Variants in SOX6 observed in about 807,000 individuals in gnomAD.
SOX6 encodes the protein transcription factor SOX-6.
A neutral mutation model predicts 97.8 loss-of-function variants in SOX6; 11 were observed. The ratio of observed to expected loss-of-function variants is 0.11; its 90% CI spans 0.07 to 0.19. SOX6 has a LOEUF of 0.19. Among genes scored for constraint, SOX6 ranks in the 10% least tolerant of loss-of-function variants. The pLI is 1.00. For synonymous variants in SOX6, 360 were observed against 371.4 expected (o/e 0.97, Z 0.35); for missense variants, 810 against 1,039.5 (o/e 0.78, Z 3.04).
At chr11:16,210,568 T>C (rs879111080) in intron 4 of SOX6, among the ~76,000 whole-genome samples, 57 of 152,164 alleles carry the variant, frequency 3.7e-4, no homozygotes, top group African/African-American at 1.3e-3. Flanking sequence ...TGGTGGCAGA[T>C]GAATCTTGTG....
At chr11:16,676,772 C>T (rs932050848) in intron 3 of SOX6, among the ~76,000 whole-genome samples, 2 of 152,148 alleles carry the variant, frequency 1.3e-5, no homozygotes, top group Admixed American at 6.5e-5. Flanking sequence ...AAATGGGCTT[C>T]GTATATGTTG....
intron 13 of SOX6, among the ~76,000 whole-genome samples, chr11:15,991,628 G>A (rs1433120242): frequency 1.3e-5 from 2 of 152,140 alleles, no homozygotes; most frequent in Non-Finnish European, 2.9e-5. Context: ...TAACATTTGA[G>A]CCTGCTTTTA....
intron 2 of SOX6, among the ~76,000 whole-genome samples, chr11:16,325,068 G>A (rs1039619313): frequency 5.3e-5 from 8 of 151,986 alleles, no homozygotes; most frequent in Non-Finnish European, 8.8e-5. Flanking sequence ...AAATGTTAAT[G>A]GCCCTCTGAG....
intron 1 of SOX6, among the ~76,000 whole-genome samples, chr11:16,382,629 A>T (rs1857858814): frequency 6.6e-6 from 1 of 152,042 alleles, no homozygotes; most frequent in Non-Finnish European, 1.5e-5. Context: ...GGCAGAGGAA[A>T]TCTCTCAACT....
intron 3 of SOX6, among the ~76,000 whole-genome samples, chr11:16,701,775 G>C (rs1342250565): frequency 7.1e-6 from 1 of 141,360 alleles, no homozygotes; most frequent in Non-Finnish European, 1.6e-5. Context: ...GAGGGGTTCG[G>C]GGGGGTGGGA....
intron 3 of SOX6, among the ~76,000 whole-genome samples, chr11:16,256,804 G>T (rs888700507): frequency 7.9e-5 from 12 of 151,804 alleles, no homozygotes; most frequent in African/African-American, 2.9e-4. Flanking sequence ...GATCATCTGA[G>T]TAGAAAATAA....
At chr11:16,681,696 A>C (rs564645368) in intron 3 of SOX6, among the ~76,000 whole-genome samples, 18 of 152,342 alleles carry the variant, frequency 1.2e-4, no homozygotes, top group African/African-American at 4.3e-4. Context: ...AAAGATCAAC[A>C]AAATAGATAG....
chr11:16,448,486 C>T (rs1048672573), intron 1 of SOX6, among the ~76,000 whole-genome samples: 8 of 152,026 alleles, frequency 5.3e-5, no homozygotes, highest in African/African-American at 1.9e-4. Context: ...TTCCAGATTT[C>T]AAGTGAAAGA....
intron 3 of SOX6, among the ~76,000 whole-genome samples, chr11:16,632,273 TG>T (rs149800928): frequency 7.2e-5 from 11 of 152,190 alleles, no homozygotes; most frequent in African/African-American, 2.7e-4. Context: ...CCTACATTAC[TG>T]GGGGTTTTTT....
At chr11:16,046,385 T>G in intron 12 of SOX6, 129 bp downstream of exon 12, 1 of 933,646 alleles carries the variant, frequency 1.1e-6, no homozygotes, top group African/African-American at 1.6e-5. Context: ...TTCAGTAAAG[T>G]ACAAGACAGC....
intron 6 of SOX6, among the ~76,000 whole-genome samples, chr11:16,179,738 C>T (rs1851296649): frequency 6.6e-6 from 1 of 151,824 alleles, no homozygotes; most frequent in Non-Finnish European, 1.5e-5. Flanking sequence ...TGGCCCTTGC[C>T]CAGAAAGCCA....
intron 4 of SOX6, among the ~76,000 whole-genome samples, chr11:16,503,357 T>C (rs578195878): frequency 6.6e-6 from 1 of 151,624 alleles, no homozygotes; most frequent in South Asian, 2.1e-4. Context: ...ACCACAATGT[T>C]AAATAAGAGA....
chr11:16,294,517 T>G (rs1362297205), intron 3 of SOX6, among the ~76,000 whole-genome samples: 1 of 152,068 alleles, frequency 6.6e-6, no homozygotes, highest in African/African-American at 2.4e-5. Flanking sequence ...TCATCCTACA[T>G]TAAGTGTTTA....
rs188625577 is a variant in SOX6 at position 16,633,793 on chromosome 11, C to T, written n.430-21533G>A. ...CCTAAGTCTCTGGCATATATGGGGCCGACTAAAATCAACCAGAAATGACAG... is the reference window on the plus strand; with the variant it reads ...CCTAAGTCTCTGGCATATATGGGGCTGACTAAAATCAACCAGAAATGACAG... On this transcript the variant is annotated intron_variant and non_coding_transcript_variant, in intron 3 of 5. Transcript: ENST00000524520. Among the ~76,000 whole-genome samples, 53 of 152,202 alleles carry T rather than the reference C, an allele frequency of 3.5e-4. 1 individual carries two copies. Among genetic ancestry groups the T allele is most frequent in the Middle Eastern group, 3.4e-3 (1 of 294 alleles).
intron 3 of SOX6, chr11:16,316,434 T>C (rs992438006): frequency 1.3e-5 from 2 of 151,614 alleles, no homozygotes; most frequent in Admixed American, 6.6e-5. Context: ...GTCTAAAACA[T>C]ACATATTGCA....
chr11:16,262,994 G>A (rs1853949282), intron 3 of SOX6, among the ~76,000 whole-genome samples: 1 of 151,852 alleles, frequency 6.6e-6, no homozygotes. Context: ...AACTTGCCAA[G>A]TTATCCACCG....
intron 9 of SOX6, among the ~76,000 whole-genome samples, chr11:16,072,461 T>C (rs868122188): frequency 6.6e-6 from 1 of 152,194 alleles, no homozygotes; most frequent in South Asian, 2.1e-4. Context: ...AGAGACCAAA[T>C]CTATGACTCT....
intron 2 of SOX6, among the ~76,000 whole-genome samples, 166 bp downstream of exon 2, chr11:16,340,846 T>C (rs1180081861): frequency 6.6e-6 from 1 of 152,112 alleles, no homozygotes; most frequent in Non-Finnish European, 1.5e-5. Flanking sequence ...AAACCATTTT[T>C]CAAGTTTTTC....
intron 4 of SOX6, among the ~76,000 whole-genome samples, chr11:16,190,237 A>C (rs1308977812): frequency 6.6e-6 from 1 of 152,210 alleles, no homozygotes; most frequent in Non-Finnish European, 1.5e-5. Context: ...TAAGAAGAAA[A>C]TGCAGAAAGC....
Sources: allele counts gnomAD v4.1 joint callset (sites outside exome capture counted in the v4.1 genomes callset), GRCh38; gene constraint gnomAD v4.1.1; transcripts MANE v1.5; gene names NCBI Gene and HGNC (gene_info 2026-07-23, HGNC 2026-07-21).